Variants in GET1 observed in about 807,000 individuals in gnomAD.
GET1 encodes guided entry of tail-anchored proteins factor 1.
A neutral mutation model predicts 22.6 loss-of-function variants in GET1; 20 were observed. The observed-to-expected ratio is 0.89, with a 90% CI of 0.62 to 1.29. The LOEUF (loss-of-function observed/expected upper bound fraction) is 1.29, where lower values mean the gene tolerates loss of function less well. Ranked by LOEUF, GET1 falls within the 50% of genes most tolerant of loss-of-function variation. GET1 has a pLI of 0.00. For missense variants in GET1, 209 were observed against 219.9 expected (o/e 0.95, Z 0.31); for synonymous variants, 92 against 83.8 (o/e 1.10, Z -0.53).
At chr21:39,401,965 G>A (rs1374913003), downstream of GET1, among the ~76,000 whole-genome samples, 1 of 151,970 alleles carries the variant, frequency 6.6e-6, no homozygotes, top group African/African-American at 2.4e-5. Flanking sequence ...CTTCCCCAGG[G>A]CTCCCTATTC....
chr21:39,401,874 A>G (rs1485944829), downstream of GET1, among the ~76,000 whole-genome samples: 1 of 152,146 alleles, frequency 6.6e-6, no homozygotes, highest in Non-Finnish European at 1.5e-5. Context: ...CAAGAACTAC[A>G]CCCGTATGAG....
intron 1 of GET1, among the ~76,000 whole-genome samples, chr21:39,385,900 C>T (rs2037859647): frequency 6.6e-6 from 1 of 152,020 alleles, no homozygotes; most frequent in Non-Finnish European, 1.5e-5. Context: ...TCTATGCAAA[C>T]CGCATACACT....
intron 1 of GET1, among the ~76,000 whole-genome samples, chr21:39,383,175 C>T (rs1400593765): frequency 1.3e-5 from 2 of 152,002 alleles, no homozygotes; most frequent in Non-Finnish European, 2.9e-5. Context: ...AGGATGGTCT[C>T]GATCTCCTGA....
intron 1 of GET1, chr21:39,413,980 C>T (rs544303546): frequency 6.6e-6 from 1 of 152,424 alleles, no homozygotes; most frequent in Admixed American, 6.5e-5. Flanking sequence ...GACGGTCCTC[C>T]TTGCGGCTTG....
intron 3 of GET1, among the ~76,000 whole-genome samples, chr21:39,392,307 C>T (rs2038354269): frequency 6.6e-6 from 1 of 152,160 alleles, no homozygotes; most frequent in Non-Finnish European, 1.5e-5. Context: ...CCCTCATAGC[C>T]TCTCCTGGAG....
intron 1 of GET1, among the ~76,000 whole-genome samples, chr21:39,414,672 C>G (rs183399908): frequency 2.7e-5 from 4 of 150,936 alleles, no homozygotes; most frequent in African/African-American, 9.7e-5. Context: ...ACTGCCAAGG[C>G]TAGGTCATAA....
chr21:39,414,713 C>CCT (rs147915021), intron 1 of GET1, among the ~76,000 whole-genome samples: 5,573 of 119,756 alleles, frequency 0.047, 212 homozygotes, highest in Non-Finnish European at 0.064. Flanking sequence ...TGGTTCTCTC[C>CCT]CTCTCTCTCT....
At chr21:39,412,403 CCTTAA>C (rs2040245541) in intron 1 of GET1, among the ~76,000 whole-genome samples, 1 of 152,136 alleles carries the variant, frequency 6.6e-6, no homozygotes, top group Non-Finnish European at 1.5e-5. Flanking sequence ...CATTTTGAAA[CCTTAA>C]CTTGTTGAGG....
At chr21:39,419,833 T>C (rs2041981210) in intron 1 of GET1, among the ~76,000 whole-genome samples, 1 of 152,188 alleles carries the variant, frequency 6.6e-6, no homozygotes, top group African/African-American at 2.4e-5. Context: ...TCTAAATTGT[T>C]GGACATTTTA....
rs1394984200 is a variant in GET1, at chr21:39,397,286, C to T, written c.*347C>T. On this transcript the variant is annotated 3_prime_UTR_variant, in exon 5 of 5. Transcript: ENST00000649170. ...TTGCCAACTGGAAAGTCAAAATTTT[C>T]TAACAACTTTAAGTAAGTTCTTTGA... The T allele has an allele frequency of 4.8e-6, 1 of 206,258 alleles. No homozygotes were observed. The highest frequency in any genetic ancestry group is 9.7e-6 in the Non-Finnish European group (1 of 103,186). 12.8% of individuals were successfully genotyped at this position (206,258 alleles called of 1,614,324 possible). A position where few individuals can be genotyped will look rare whatever the true frequency, so the allele number is the denominator to read the frequency against.
chr21:39,408,568 G>A (rs2039510407), downstream of GET1: 1 of 152,336 alleles, frequency 6.6e-6, no homozygotes, highest in Non-Finnish European at 1.5e-5. Context: ...TCTTGCCCAT[G>A]GCTGATGAAG....
At chr21:39,423,085 T>C in intron 1 of GET1, 2 of 1,613,990 alleles carry the variant, frequency 1.2e-6, no homozygotes, top group Non-Finnish European at 1.7e-6. Flanking sequence ...CTGCAGTGCC[T>C]GCAAGATATC....
chr21:39,396,326 T>G (rs1271959991), intron 4 of GET1, among the ~76,000 whole-genome samples: 1 of 151,044 alleles, frequency 6.6e-6, no homozygotes, highest in Non-Finnish European at 1.5e-5. Flanking sequence ...AGATCATGAG[T>G]TCAGGAGATC....
chr21:39,393,363 C>T, intron 4 of GET1, 83 bp downstream of exon 4: 1 of 1,086,328 alleles, frequency 9.2e-7, no homozygotes, highest in South Asian at 1.4e-5. Context: ...GTTAGCCTGA[C>T]ATCCTCCTCA....
intron 1 of GET1, among the ~76,000 whole-genome samples, chr21:39,424,706 G>A (rs1014056299): frequency 5.3e-5 from 8 of 152,126 alleles, no homozygotes; most frequent in Non-Finnish European, 1.0e-4. Flanking sequence ...TGTTTATACA[G>A]ATACCGATTT....
chr21:39,394,829 A>G (rs1276873496), intron 4 of GET1, among the ~76,000 whole-genome samples: 2 of 152,074 alleles, frequency 1.3e-5, no homozygotes, highest in African/African-American at 2.4e-5. Context: ...GGGGATACAA[A>G]CATTCAGACC....
intron 1 of GET1, among the ~76,000 whole-genome samples, chr21:39,415,521 C>T (rs975803970): frequency 6.6e-6 from 1 of 152,184 alleles, no homozygotes; most frequent in Admixed American, 6.5e-5. Context: ...CCTCTAATAA[C>T]TTATTTCAGT....
chr21:39,421,873 T>C (rs542589032), intron 1 of GET1: 3 of 152,368 alleles, frequency 2.0e-5, no homozygotes, highest in African/African-American at 7.2e-5. Context: ...AAGTGCTTTT[T>C]GTATCAAAGA....
At chr21:39,411,249 C>T, downstream of GET1, 1 of 208,690 alleles carries the variant, frequency 4.8e-6, no homozygotes, top group Non-Finnish European at 9.8e-6. Context: ...CACGAGGAAA[C>T]TTCCTGGGGA....
Sources: allele counts gnomAD v4.1 joint callset (sites outside exome capture counted in the v4.1 genomes callset), GRCh38; gene constraint gnomAD v4.1.1; transcripts MANE v1.5; gene names NCBI Gene and HGNC (gene_info 2026-07-23, HGNC 2026-07-21).